CDH12: variants seen among roughly 807,000 people sequenced by gnomAD.
CDH12 encodes cadherin 12.
A neutral mutation model predicts 74.1 loss-of-function variants in CDH12; 41 were observed. The observed-to-expected ratio is 0.55, with a 90% confidence interval of 0.43 to 0.72. The LOEUF (loss-of-function observed/expected upper bound fraction) is 0.72, where lower values mean the gene tolerates loss of function less well. Ranked by LOEUF, CDH12 falls within the 30% of genes least tolerant of loss-of-function variation. The pLI is 0.00. For synonymous variants in CDH12, 399 were observed against 355.0 expected (o/e 1.12, Z -1.39); for missense variants, 945 against 977.2 (o/e 0.97, Z 0.44).
At chr5:22,379,667 C>T (rs1457289181) in intron 3 of CDH12, among the ~76,000 whole-genome samples, 4 of 152,226 alleles carry the variant, frequency 2.6e-5, no homozygotes, top group South Asian at 2.1e-4. Flanking sequence ...TAAAACCCTC[C>T]CAGAGATGAC....
At chr5:21,893,717 A>G (rs1187267588) in intron 6 of CDH12, among the ~76,000 whole-genome samples, 1 of 152,228 alleles carries the variant, frequency 6.6e-6, no homozygotes, top group Non-Finnish European at 1.5e-5. Flanking sequence ...ATATATAGAA[A>G]CAAGCAAGTG....
At chr5:22,848,989 G>GT (rs149955739) in intron 1 of CDH12, among the ~76,000 whole-genome samples, 33,651 of 147,652 alleles carry the variant, frequency 0.23, 3,924 homozygotes, top group East Asian at 0.41. Flanking sequence ...ATCAAAAAAT[G>GT]TTTTTTTTTT....
At chr5:21,880,675 CTTT>C (rs1561268842) in intron 6 of CDH12, among the ~76,000 whole-genome samples, 26 of 115,772 alleles carry the variant, frequency 2.2e-4, no homozygotes, top group Admixed American at 3.8e-4. Flanking sequence ...TTCTTTCTTT[CTTT>C]CTTTCTTTCT....
At chr5:21,972,239 A>C (rs1340925934) in intron 6 of CDH12, among the ~76,000 whole-genome samples, 1 of 152,116 alleles carries the variant, frequency 6.6e-6, no homozygotes, top group East Asian at 1.9e-4. Context: ...ATGTATTTTT[A>C]ATTGATTAAT....
In CDH12 at chr5:21,853,931, T is replaced by C. The variant is rs553023218; in HGVS notation, c.646+740A>G. On this transcript the variant is annotated intron_variant, in intron 7 of 14. Coordinates refer to ENST00000382254, the MANE Select transcript of CDH12 (RefSeq NM_004061.5). Reference sequence around the variant, plus strand: ...ATCGTTGTGGGGTTTCTGCTTCAACTGTGACATGGAAGGCCTACTCTGATC... The same window carrying C: ...ATCGTTGTGGGGTTTCTGCTTCAACCGTGACATGGAAGGCCTACTCTGATC... Among the ~76,000 whole-genome samples the C allele has an allele frequency of 1.4e-4, 21 of 151,772 alleles. No individual in the cohort carries two copies. In the South Asian group the frequency reaches 4.1e-3, roughly 30 times the overall value.
intron 1 of CDH12, among the ~76,000 whole-genome samples, chr5:22,664,808 A>G (rs1383778660): frequency 6.6e-6 from 1 of 152,190 alleles, no homozygotes; most frequent in African/African-American, 2.4e-5. Flanking sequence ...AGGCAGCTCA[A>G]ATCAGTATTG....
intron 8 of CDH12, among the ~76,000 whole-genome samples, chr5:21,839,592 T>C (rs1243434269): frequency 6.6e-6 from 1 of 152,094 alleles, no homozygotes; most frequent in Non-Finnish European, 1.5e-5. Flanking sequence ...AGGTTTATGA[T>C]TTTAAGAAAA....
intron 2 of CDH12, among the ~76,000 whole-genome samples, chr5:22,452,698 C>T (rs535440845): frequency 6.6e-6 from 1 of 151,258 alleles, no homozygotes; most frequent in African/African-American, 2.4e-5. Context: ...AAAACACCAG[C>T]AACTGAAGCA....
chr5:22,687,003 A>G (rs953063928), intron 1 of CDH12, among the ~76,000 whole-genome samples: 17 of 152,206 alleles, frequency 1.1e-4, no homozygotes, highest in African/African-American at 3.9e-4. Flanking sequence ...CATACTTAAA[A>G]ATGAAAAATG....
chr5:22,370,919 T>C (rs1741261187), intron 3 of CDH12, among the ~76,000 whole-genome samples: 1 of 152,114 alleles, frequency 6.6e-6, no homozygotes, highest in Non-Finnish European at 1.5e-5. Flanking sequence ...CAAGATTAAC[T>C]AAGAACTGTC....
intron 5 of CDH12, among the ~76,000 whole-genome samples, chr5:22,012,386 A>G (rs963974536): frequency 2.0e-5 from 3 of 152,170 alleles, no homozygotes; most frequent in Admixed American, 1.3e-4. Flanking sequence ...AAAGAGAAAA[A>G]TGATAAGTTA....
intron 1 of CDH12, among the ~76,000 whole-genome samples, chr5:22,791,269 G>A (rs1283050794): frequency 6.6e-6 from 1 of 152,088 alleles, no homozygotes; most frequent in Non-Finnish European, 1.5e-5. Flanking sequence ...GAAATCTAGT[G>A]CCAGAAGAAA....
At chr5:22,616,814 G>T (rs1737713131) in intron 1 of CDH12, among the ~76,000 whole-genome samples, 1 of 151,982 alleles carries the variant, frequency 6.6e-6, no homozygotes, top group Non-Finnish European at 1.5e-5. Context: ...ACACTTGAGA[G>T]TTGGTTAGAT....
intron 4 of CDH12, among the ~76,000 whole-genome samples, chr5:22,203,755 T>C (rs1751048555): frequency 2.0e-5 from 3 of 152,220 alleles, no homozygotes; most frequent in Admixed American, 1.3e-4. Context: ...TGCCAGCACT[T>C]GTTACTTTTT....
intron 5 of CDH12, among the ~76,000 whole-genome samples, chr5:22,029,825 G>A (rs1413658963): frequency 6.6e-6 from 1 of 151,826 alleles, no homozygotes; most frequent in African/African-American, 2.4e-5. Flanking sequence ...TATGTTTATT[G>A]CGGCACTATT....
At chr5:22,852,577 G>A (rs1197752356) in intron 1 of CDH12, among the ~76,000 whole-genome samples, 1 of 152,162 alleles carries the variant, frequency 6.6e-6, no homozygotes. Context: ...TGGTTTTACA[G>A]TGGTATTTTT....
rs368480250 is a variant in CDH12 at position 22,544,417 on chromosome 5, G to A, written c.-522-39053C>T. On this transcript the variant is annotated intron_variant, in intron 1 of 14. Coordinates refer to ENST00000382254, the MANE Select transcript of CDH12 (RefSeq NM_004061.5). ...ACCCTCTCACTCTATAGCAAAATCAGGTCTTTTACCATATGTTCAAAATCA... is the reference window on the plus strand; with the variant it reads ...ACCCTCTCACTCTATAGCAAAATCAAGTCTTTTACCATATGTTCAAAATCA... Among the ~76,000 whole-genome samples the A allele has an allele frequency of 4.6e-5, 7 of 152,060 alleles. No individual in the cohort carries two copies. In the South Asian group the frequency reaches 6.2e-4, roughly 14 times the overall value.
chr5:22,273,230 T>C (rs1736482629), intron 3 of CDH12, among the ~76,000 whole-genome samples: 1 of 152,134 alleles, frequency 6.6e-6, no homozygotes, highest in Non-Finnish European at 1.5e-5. Flanking sequence ...GATCACAGAT[T>C]ACCATCAACA....
intron 10 of CDH12, among the ~76,000 whole-genome samples, chr5:21,795,301 A>C (rs1164205474): frequency 6.6e-6 from 1 of 151,842 alleles, no homozygotes; most frequent in Non-Finnish European, 1.5e-5. Flanking sequence ...TGAAATACTG[A>C]AATTATCATA....
Sources: allele counts gnomAD v4.1 joint callset (sites outside exome capture counted in the v4.1 genomes callset), GRCh38; gene constraint gnomAD v4.1.1; transcripts MANE v1.5; gene names NCBI Gene and HGNC (gene_info 2026-07-23, HGNC 2026-07-21).